The following UBALD1 variants were observed in gnomAD, a reference collection of about 807,000 sequenced individuals.
UBALD1 encodes the protein UBA like domain containing 1, also known as UBA-like domain-containing protein 1.
UBALD1 carries 5 observed loss-of-function variants against 16.1 expected under a neutral mutation model. The ratio of observed to expected loss-of-function variants is 0.31; its 90% CI spans 0.16 to 0.66. The LOEUF (loss-of-function observed/expected upper bound fraction) is 0.66, where lower values mean the gene tolerates loss of function less well. Among genes scored for constraint, UBALD1 ranks in the 30% least tolerant of loss-of-function variants. UBALD1 has a pLI of 0.77. For missense variants in UBALD1, 220 were observed against 252.8 expected, an observed-to-expected ratio of 0.87 and a Z score of 0.88; for synonymous variants, 146 against 105.3, an observed-to-expected ratio of 1.39 and a Z score of -2.37.
In UBALD1 at chr16:4,610,411, C is replaced by T. The variant is rs374792179; in HGVS notation, c.183+82G>A. The T allele has an allele frequency of 1.8e-5, 27 of 1,461,694 alleles. 1 individual carries two copies. Among genetic ancestry groups the T allele is most frequent in the Admixed American group, 1.2e-4 (5 of 42,890 alleles). The allele number at this position is 1,461,694 out of a possible 1,614,324, so 90.5% of individuals were successfully genotyped here. A position where few individuals can be genotyped will look rare whatever the true frequency, so the allele number is the denominator to read the frequency against. On this transcript the variant is annotated intron_variant, in intron 2 of 2. Transcript: ENST00000283474. Reference sequence around the variant, plus strand: ...CGCCTGCACCAGCGCCCTCGTACACCGGGGCCAGGGGCTGCTTATACACAG... The same window carrying T: ...CGCCTGCACCAGCGCCCTCGTACACTGGGGCCAGGGGCTGCTTATACACAG...
intron 1 of UBALD1, 52 bp from the exon 2 acceptor site, chr16:4,610,607 G>A (rs763826960): frequency 4.5e-6 from 7 of 1,572,108 alleles, no homozygotes; most frequent in African/African-American, 1.3e-5. Flanking sequence ...CGGCCCTGCC[G>A]CTGCCCTTGT....
chr16:4,610,792 G>A, intron 1 of UBALD1: 1 of 527,764 alleles, frequency 1.9e-6, no homozygotes, highest in Non-Finnish European at 3.4e-6. Context: ...TTCCCCTGCT[G>A]CTCGCCACCT....
rs1433447551 is a variant in UBALD1, at chr16:4,609,585, C to T, written c.*48G>A. 4 of 862,954 alleles carry T rather than the reference C, an allele frequency of 4.6e-6. No homozygotes were observed. Among genetic ancestry groups the T allele is most frequent in the Admixed American group, 3.3e-5 (1 of 30,670 alleles). The allele number at this position is 862,954 out of a possible 1,614,324, so 53.5% of individuals were successfully genotyped here. ...AAGGGGGCCCGCAGAGACGTCCTCT[C>T]CCCCGCCCCACGGGGTCCTGGCCTC... is the stretch of plus-strand genomic sequence containing the variant. On this transcript the variant is annotated 3_prime_UTR_variant, in exon 3 of 3. Transcript: ENST00000283474.
intron 1 of UBALD1, chr16:4,610,771 G>T: frequency 1.8e-6 from 1 of 556,158 alleles, no homozygotes; most frequent in Non-Finnish European, 3.2e-6. Flanking sequence ...TGGGGTGGGT[G>T]GAGAAGACCC....
chr16:4,609,069 T>C lies in UBALD1; in HGVS notation c.*564A>G, dbSNP rs1287082406. ...ACAGCAACGCTGGCTGACGAGGGGG[T>C]GGGGAGGAGGCAGGGCCCTGGGGAG... is the stretch of plus-strand genomic sequence containing the variant. On this transcript the variant is annotated 3_prime_UTR_variant, in exon 3 of 3. Transcript: ENST00000283474. 3 of 14,990 alleles carry C rather than the reference T, an allele frequency of 2.0e-4. No individual in the cohort carries two copies. The highest frequency in any genetic ancestry group is 7.6e-4 in the Admixed American group (1 of 1,312). 0.9% of individuals were successfully genotyped at this position (14,990 alleles called of 1,614,324 possible). A position where few individuals can be genotyped will look rare whatever the true frequency, so the allele number is the denominator to read the frequency against.
At position 4,614,844 on chromosome 16, in the gene UBALD1, T is replaced by A. The variant is rs766736893; in HGVS notation, c.-47A>T. 2 of 1,446,458 alleles carry A rather than the reference T, an allele frequency of 1.4e-6. No homozygotes were observed. Among genetic ancestry groups the A allele is most frequent in the Non-Finnish European group, 1.8e-6 (2 of 1,096,598 alleles). The allele number at this position is 1,446,458 out of a possible 1,614,324, so 89.6% of individuals were successfully genotyped here. On this transcript the variant is annotated 5_prime_UTR_variant, in exon 1 of 3. Transcript: ENST00000283474. ...CCGGCCTCCCTCCTCCGCCCGCGCC[T>A]CCGCCTCACGCGTCCACCATTAGCG... is the stretch of plus-strand genomic sequence containing the variant.
chr16:4,611,748 G>C (rs1897360244), intron 1 of UBALD1, among the ~76,000 whole-genome samples: 1 of 152,238 alleles, frequency 6.6e-6, no homozygotes, highest in Admixed American at 6.5e-5. Context: ...CCCAGAGGGA[G>C]GCGCTGGGAT....
At chr16:4,610,905 G>A (rs574114850) in intron 1 of UBALD1, 9 of 420,182 alleles carry the variant, frequency 2.1e-5, no homozygotes, top group African/African-American at 8.2e-5. Flanking sequence ...GGGGAAAGGC[G>A]CCCGGCCCCA....
intron 1 of UBALD1, 199 bp downstream of exon 1, chr16:4,614,479 G>T (rs1464111479): frequency 2.4e-6 from 2 of 844,608 alleles, no homozygotes; most frequent in Non-Finnish European, 3.3e-6. Context: ...CCCGACCGGT[G>T]GCCCGGTTCC....
In UBALD1 at chr16:4,614,844, T is replaced by C. The variant is rs766736893; in HGVS notation, c.-47A>G. 5 of 1,446,566 alleles carry C rather than the reference T, an allele frequency of 3.5e-6. No homozygotes were observed. The highest frequency in any genetic ancestry group is 2.9e-5 in the South Asian group (2 of 68,682). 89.6% of individuals were successfully genotyped at this position (1,446,566 alleles called of 1,614,324 possible). A position where few individuals can be genotyped will look rare whatever the true frequency, so the allele number is the denominator to read the frequency against. ...CCGGCCTCCCTCCTCCGCCCGCGCC[T>C]CCGCCTCACGCGTCCACCATTAGCG... On this transcript the variant is annotated 5_prime_UTR_variant, in exon 1 of 3. Transcript: ENST00000283474.
chr16:4,611,946 C>T (rs770538027), intron 1 of UBALD1, among the ~76,000 whole-genome samples: 13 of 152,152 alleles, frequency 8.5e-5, no homozygotes, highest in Non-Finnish European at 1.3e-4. Context: ...CCCCTCAGGC[C>T]CACTCCCCTA....
At position 4,610,887 on chromosome 16, in the gene UBALD1, C is replaced by T. The variant is rs181688407; in HGVS notation, c.121-332G>A. The T allele has an allele frequency of 1.2e-3, 494 of 428,584 alleles. 3 individuals are homozygous for T. Among genetic ancestry groups the T allele is most frequent in the African/African-American group, 9.1e-3 (447 of 49,270 alleles). The allele number at this position is 428,584 out of a possible 1,614,324, so 26.5% of individuals were successfully genotyped here. On this transcript the variant is annotated intron_variant, in intron 1 of 2. Transcript: ENST00000283474. ...ACTGGGGGAGGGCGGGCAGTACACC[C>T]CATCCTGGGGGAAAGGCGCCCGGCC... is the stretch of plus-strand genomic sequence containing the variant.
At chr16:4,610,714 C>G in intron 1 of UBALD1, 159 bp from the exon 2 acceptor site, 1 of 742,076 alleles carries the variant, frequency 1.3e-6, no homozygotes, top group Middle Eastern at 3.8e-4. Context: ...CCTGTCACCC[C>G]CAACCCTCAC....
intron 1 of UBALD1, among the ~76,000 whole-genome samples, chr16:4,611,813 G>A (rs1181451934): frequency 2.6e-5 from 4 of 152,196 alleles, no homozygotes; most frequent in Non-Finnish European, 4.4e-5. Flanking sequence ...CCCAGGAAAC[G>A]GAGGCTGCTC....
rs860889 is a variant in UBALD1, at chr16:4,614,832, T to G, written c.-35A>C. 1 allele frequency: 1,468,781 copies of G among 1,469,740 alleles called. 733,914 individuals are homozygous for G. Among genetic ancestry groups the G allele is most frequent in the East Asian group, 1 (36,450 of 36,450 alleles). 91.0% of individuals were successfully genotyped at this position (1,469,740 alleles called of 1,614,324 possible). On this transcript the variant is annotated 5_prime_UTR_variant, in exon 1 of 3. Coordinates refer to ENST00000283474, the MANE Select transcript of UBALD1 (RefSeq NM_145253.3). ...GCGCTGCCCGCTCCGGCCTCCCTCC[T>G]CCGCCCGCGCCTCCGCCTCACGCGT...
At chr16:4,614,269 C>T in intron 1 of UBALD1, 1 of 353,152 alleles carries the variant, frequency 2.8e-6, no homozygotes, top group East Asian at 4.2e-5. Context: ...CACGCGGACC[C>T]TCGGACCACT....
intron 2 of UBALD1, 81 bp downstream of exon 2, chr16:4,610,412 G>C (rs545298413): frequency 6.8e-7 from 1 of 1,461,714 alleles, no homozygotes; most frequent in Non-Finnish European, 9.2e-7. Flanking sequence ...CTCGTACACC[G>C]GGGCCAGGGG....
In UBALD1 at chr16:4,609,887, C is replaced by T. The variant is rs767858301; in HGVS notation, c.280G>A (p.Gly94Ser). 36 of 1,557,890 alleles carry T rather than the reference C, an allele frequency of 2.3e-5. No individual in the cohort carries two copies. The East Asian group carries it at 3.5e-4, about 15-fold the overall frequency. ...RLKASESFHS[G>S]GSGSPMAATA... The stretch of plus-strand genomic sequence containing the variant: ...GCGGCCATCGGGCTGCCGCTGCCAC[C>T]GCTGTGGAAGCTCTCGGAGGCCTTG... Residue 94 changes from glycine (G) to serine (S), a missense_variant, in exon 3 of 3, where the codon GGT (glycine) becomes AGT (serine). Transcript: ENST00000283474.
chr16:4,613,950 C>G (rs1596547986), intron 1 of UBALD1: 1 of 152,584 alleles, frequency 6.6e-6, no homozygotes, highest in Non-Finnish European at 1.5e-5. Context: ...CACGGAGTCC[C>G]CAGGCACACC....
Sources: gnomAD v4.1 joint callset for allele counts (sites outside exome capture counted in the v4.1 genomes callset) on GRCh38, gnomAD v4.1.1 for gene constraint, MANE v1.5 for transcripts, NCBI Gene and HGNC (gene_info 2026-07-23, HGNC 2026-07-21) for gene names.